The following TF variants were observed in gnomAD, a reference collection of about 807,000 sequenced individuals.
The protein encoded by TF is transferrin.
TF carries 55 observed loss-of-function variants against 82.4 expected under a neutral mutation model. The ratio of observed to expected loss-of-function variants is 0.67; its 90% CI spans 0.54 to 0.84. The LOEUF is 0.84. Ranked by LOEUF, TF falls within the 40% of genes least tolerant of loss-of-function variation. The probability of loss-of-function intolerance (pLI) is 0.00; values close to 1 mark genes in which losing one functional copy is unlikely to be tolerated. For synonymous variants in TF, 332 were observed against 332.6 expected (o/e 1.00, Z 0.02); for missense variants, 737 against 868.4 (o/e 0.85, Z 1.90).
the TF span, among the ~76,000 whole-genome samples, chr3:133,727,557 G>A: frequency 1.7e-3 from 172 of 102,590 alleles, no homozygotes; most frequent in East Asian, 3.7e-3. Flanking sequence ...GTCTCTGCAC[G>A]TGAGATGGGT....
rs1174427940 is a variant in TF at position 133,779,599 on chromosome 3, T to C, written c.*979T>C. ...GCTCATCCTACTGGCCTGGAAACCT[T>C]AGGGAAATCTTCCTGGGGTTTTCTC... On this transcript the variant is annotated 3_prime_UTR_variant, in exon 17 of 17. Coordinates refer to ENST00000402696, the MANE Select transcript of TF (RefSeq NM_001063.4). 1 of 152,292 alleles carries C rather than the reference T, an allele frequency of 6.6e-6. No homozygotes were observed. Among genetic ancestry groups the C allele is most frequent in the East Asian group, 1.9e-4 (1 of 5,204 alleles). 9.4% of individuals were successfully genotyped at this position (152,292 alleles called of 1,614,324 possible).
intron 14 of TF, 124 bp from the exon 15 acceptor site, chr3:133,775,309 C>T: frequency 1.1e-6 from 1 of 934,138 alleles, no homozygotes. Flanking sequence ...ACTGTAACCC[C>T]AGTGTGGGCA....
chr3:133,744,464 G>A (rs1327260438), upstream of TF, among the ~76,000 whole-genome samples: 2 of 152,170 alleles, frequency 1.3e-5, no homozygotes, highest in East Asian at 3.8e-4. Flanking sequence ...AGTTAGCCTT[G>A]CCCCTGACTT....
intron 9 of TF, 28 bp downstream of exon 9, chr3:133,759,357 G>A: frequency 6.2e-7 from 1 of 1,612,128 alleles, no homozygotes; most frequent in Non-Finnish European, 8.5e-7. Flanking sequence ...TCCTAGGGCA[G>A]CGTCCCTGTC....
the TF span, among the ~76,000 whole-genome samples, chr3:133,732,464 T>C: frequency 2.6e-5 from 4 of 152,126 alleles, no homozygotes; most frequent in African/African-American, 9.7e-5. Context: ...AGGATGTGGG[T>C]GGGGCCAAAT....
chr3:133,673,818 T>A, the TF span, among the ~76,000 whole-genome samples: 1 of 152,248 alleles, frequency 6.6e-6, no homozygotes, highest in Admixed American at 6.5e-5. Context: ...TGACGTTCTA[T>A]GCATATTTAT....
chr3:133,664,419 T>C, the TF span, among the ~76,000 whole-genome samples: 2 of 151,334 alleles, frequency 1.3e-5, no homozygotes, highest in Non-Finnish European at 2.9e-5. Flanking sequence ...ACCCCCGGGG[T>C]TCAAGCGATT....
rs1934573501 is a variant in TF at position 133,783,774 on chromosome 3, G to A, written c.*5154G>A. The A allele has an allele frequency of 6.6e-6, 1 of 152,372 alleles. No homozygotes were observed. The highest frequency in any genetic ancestry group is 2.4e-5 in the African/African-American group (1 of 41,596). 9.4% of individuals were successfully genotyped at this position (152,372 alleles called of 1,614,324 possible). ...TCCGCCCGGTAGAACCCGGAGCCCT[G>A]GCCGCGGCTGCCCCACCGGGCCCAT... On this transcript the variant is annotated 3_prime_UTR_variant, in exon 17 of 17. Coordinates refer to ENST00000402696, the MANE Select transcript of TF (RefSeq NM_001063.4).
intron 5 of TF, among the ~76,000 whole-genome samples, chr3:133,756,067 T>C (rs535605592): frequency 6.6e-6 from 1 of 152,310 alleles, no homozygotes; most frequent in East Asian, 1.9e-4. Context: ...AGTTGCATTT[T>C]GCTTCTTTGG....
the TF span, among the ~76,000 whole-genome samples, chr3:133,667,356 C>A: frequency 0.014 from 1,800 of 127,632 alleles, no homozygotes; most frequent in Non-Finnish European, 0.015. Flanking sequence ...GACTCTGACT[C>A]AAAAAAAAAA....
the TF span, among the ~76,000 whole-genome samples, chr3:133,736,417 T>C: frequency 6.6e-6 from 1 of 152,184 alleles, no homozygotes; most frequent in African/African-American, 2.4e-5. Flanking sequence ...AATAACCAGC[T>C]AGCATCATAA....
the TF span, among the ~76,000 whole-genome samples, chr3:133,720,604 C>T: frequency 6.6e-6 from 1 of 151,986 alleles, no homozygotes; most frequent in Non-Finnish European, 1.5e-5. Flanking sequence ...ATAATTCTGG[C>T]CATATAAAAT....
At chr3:133,706,990 G>T in the TF span, among the ~76,000 whole-genome samples, 6 of 152,254 alleles carry the variant, frequency 3.9e-5, no homozygotes, top group African/African-American at 1.4e-4. Flanking sequence ...TCTTCTATCT[G>T]CTATGTATTC....
the TF span, among the ~76,000 whole-genome samples, chr3:133,702,929 T>A: frequency 1.3e-5 from 2 of 152,162 alleles, no homozygotes; most frequent in Non-Finnish European, 2.9e-5. Flanking sequence ...ACATATAACA[T>A]TGCCTGGCAT....
the TF span, among the ~76,000 whole-genome samples, chr3:133,716,985 G>T: frequency 1.3e-5 from 2 of 152,082 alleles, no homozygotes; most frequent in African/African-American, 4.8e-5. Flanking sequence ...TTTTATTTAG[G>T]ATTTCTCAGG....
the TF span, among the ~76,000 whole-genome samples, chr3:133,737,888 A>C: frequency 2.0e-5 from 3 of 152,348 alleles, no homozygotes; most frequent in Middle Eastern, 3.4e-3. Context: ...AGAGGTACAA[A>C]GAAGAGCTGG....
chr3:133,757,029 T>C lies in TF; in HGVS notation c.870+20T>C. The stretch of plus-strand genomic sequence containing the variant: ...GCCCAGGTATCCCCACCTGCCATCC[T>C]CCCCTCCAGCTTAGTGCTCCCTGCT... On this transcript the variant is annotated intron_variant, in intron 7 of 16. Transcript: ENST00000402696. 3 of 1,614,020 alleles carry C rather than the reference T, an allele frequency of 1.9e-6. No homozygotes were observed. Among genetic ancestry groups the C allele is most frequent in the East Asian group, 4.5e-5 (2 of 44,860 alleles).
chr3:133,777,010 GACCACA>G (rs1458924106), intron 15 of TF, 33 bp from the exon 16 acceptor site: 99 of 1,598,430 alleles, frequency 6.2e-5, no homozygotes, highest in Non-Finnish European at 8.2e-5. Flanking sequence ...AGCTGCTAAA[GACCACA>G]AGGTCCTCAC....
chr3:133,663,673 A>G, the TF span, among the ~76,000 whole-genome samples: 1 of 152,122 alleles, frequency 6.6e-6, no homozygotes, highest in Non-Finnish European at 1.5e-5. Context: ...GGGAAAGTGA[A>G]GTTCAGGGAC....
Sources: gnomAD v4.1 joint callset for allele counts (sites outside exome capture counted in the v4.1 genomes callset) on GRCh38, gnomAD v4.1.1 for gene constraint, MANE v1.5 for transcripts, NCBI Gene and HGNC (gene_info 2026-07-23, HGNC 2026-07-21) for gene names.